Variants in PCDH15 observed in about 807,000 individuals in gnomAD.
The protein encoded by PCDH15 is protocadherin related 15.
PCDH15 carries 129 observed loss-of-function variants against 178.5 expected under a neutral mutation model. The observed-to-expected ratio is 0.72, with a 90% CI of 0.63 to 0.84. The LOEUF (loss-of-function observed/expected upper bound fraction) is 0.84, where lower values mean the gene tolerates loss of function less well. Among genes scored for constraint, PCDH15 ranks in the 40% least tolerant of loss-of-function variants. The pLI is 0.00. For missense variants in PCDH15, 2,230 were observed against 2,099.9 expected (o/e 1.06, Z -1.21); for synonymous variants, 800 against 732.0 (o/e 1.09, Z -1.50).
intron 1 of PCDH15, among the ~76,000 whole-genome samples, chr10:54,695,871 GA>G (rs377722825): frequency 1.1e-4 from 16 of 148,860 alleles, no homozygotes; most frequent in South Asian, 4.3e-4. Flanking sequence ...AGCCCCAATG[GA>G]AAAAAAAAGA....
At chr10:54,839,571 A>C (rs1252929860) in intron 3 of PCDH15, among the ~76,000 whole-genome samples, 1 of 152,144 alleles carries the variant, frequency 6.6e-6, no homozygotes, top group Non-Finnish European at 1.5e-5. Flanking sequence ...AAAAGGAGAG[A>C]GAGAAGGGTA....
intron 11 of PCDH15, among the ~76,000 whole-genome samples, chr10:54,194,650 CTCTATCTATCTA>C (rs58429895): frequency 0.019 from 2,813 of 147,976 alleles, 102 homozygotes; most frequent in African/African-American, 0.063. Flanking sequence ...GTGTATATAT[CTCTATCTATCTA>C]TCTATCTATC....
At chr10:54,225,969 C>A (rs1198718063) in intron 9 of PCDH15, among the ~76,000 whole-genome samples, 1 of 151,952 alleles carries the variant, frequency 6.6e-6, no homozygotes, top group Non-Finnish European at 1.5e-5. Context: ...ATTCAGAGTT[C>A]TTTAGAGAAA....
At chr10:54,660,232 A>G (rs772625874) in intron 2 of PCDH15, among the ~76,000 whole-genome samples, 9 of 152,164 alleles carry the variant, frequency 5.9e-5, no homozygotes, top group Non-Finnish European at 1.2e-4. Flanking sequence ...GCACAATCAG[A>G]AATAATAAAA....
At chr10:54,096,198 G>C (rs113044626) in intron 15 of PCDH15, among the ~76,000 whole-genome samples, 2 of 151,540 alleles carry the variant, frequency 1.3e-5, no homozygotes, top group African/African-American at 4.8e-5. Context: ...AACTTATCTC[G>C]AGTTTCCCTT....
At chr10:55,509,857 A>G (rs1840840886) in intron 2 of PCDH15, among the ~76,000 whole-genome samples, 1 of 151,952 alleles carries the variant, frequency 6.6e-6, no homozygotes, top group Non-Finnish European at 1.5e-5. Flanking sequence ...CACAAATCAT[A>G]GAGCTATTGA....
intron 2 of PCDH15, among the ~76,000 whole-genome samples, chr10:55,149,904 A>C (rs1313277365): frequency 1.3e-5 from 2 of 152,052 alleles, no homozygotes; most frequent in Non-Finnish European, 2.9e-5. Context: ...TTGGATTACA[A>C]TTATTAAACA....
chr10:55,521,648 T>G (rs1014696764), intron 2 of PCDH15, among the ~76,000 whole-genome samples: 1 of 151,986 alleles, frequency 6.6e-6, no homozygotes, highest in Admixed American at 6.6e-5. Flanking sequence ...TGAATAACAC[T>G]GCAGTGAACA....
At chr10:54,220,445 T>C (rs1199164889) in intron 9 of PCDH15, among the ~76,000 whole-genome samples, 1 of 152,242 alleles carries the variant, frequency 6.6e-6, no homozygotes, top group Admixed American at 6.5e-5. Context: ...TTATGCTATA[T>C]AGCCTGAGTT....
intron 24 of PCDH15, among the ~76,000 whole-genome samples, chr10:53,939,614 T>C (rs1282967542): frequency 6.6e-6 from 1 of 151,992 alleles, no homozygotes; most frequent in African/African-American, 2.4e-5. Context: ...TATATTTCTT[T>C]GTTTAATAAT....
intron 23 of PCDH15, among the ~76,000 whole-genome samples, chr10:53,950,677 G>A (rs2086949537): frequency 1.3e-5 from 2 of 152,170 alleles, no homozygotes; most frequent in South Asian, 4.1e-4. Context: ...ATCCTGAAAT[G>A]AAGGTCAAAT....
At chr10:54,747,200 T>C (rs1945584603) in intron 1 of PCDH15, among the ~76,000 whole-genome samples, 1 of 152,214 alleles carries the variant, frequency 6.6e-6, no homozygotes, top group African/African-American at 2.4e-5. Context: ...CTACACACCA[T>C]GCTTATCAGT....
intron 1 of PCDH15, among the ~76,000 whole-genome samples, chr10:55,231,123 T>A (rs1435358434): frequency 6.6e-6 from 1 of 151,988 alleles, no homozygotes. Context: ...TAGCTTTGCA[T>A]CTCTGAGAAA....
intron 18 of PCDH15, among the ~76,000 whole-genome samples, chr10:54,060,532 A>T (rs1210570767): frequency 6.6e-6 from 1 of 152,172 alleles, no homozygotes; most frequent in Non-Finnish European, 1.5e-5. Context: ...AAACCTGTAC[A>T]TATATTATGT....
chr10:55,558,886 G>A (rs1297530578), intron 2 of PCDH15, among the ~76,000 whole-genome samples: 1 of 151,958 alleles, frequency 6.6e-6, no homozygotes, highest in Non-Finnish European at 1.5e-5. Flanking sequence ...TAATTGAAGT[G>A]TAATACATGT....
At chr10:55,033,327 A>G (rs1348328350) in intron 2 of PCDH15, among the ~76,000 whole-genome samples, 2 of 152,132 alleles carry the variant, frequency 1.3e-5, no homozygotes, top group Admixed American at 1.3e-4. Flanking sequence ...ACTCCAACCC[A>G]TGAGAGCTGA....
chr10:54,846,418 G>A lies in PCDH15; in HGVS notation c.-29+51032C>T, dbSNP rs142724829. ...GAATGATGAATAAAATAATTTTTCT[G>A]TCCCAACTTGAAGCTATTCATGTGT... On this transcript the variant is annotated intron_variant, in intron 3 of 5. Transcript: ENST00000458638. 1.9e-3 allele frequency among the ~76,000 whole-genome samples: 282 copies of A among 152,138 alleles called. 1 individual carries two copies. Among genetic ancestry groups the A allele is most frequent in the African/African-American group, 6.5e-3 (271 of 41,492 alleles).
At chr10:55,301,275 T>C (rs1322724417) in intron 1 of PCDH15, among the ~76,000 whole-genome samples, 1 of 152,300 alleles carries the variant, frequency 6.6e-6, no homozygotes, top group African/African-American at 2.4e-5. Context: ...TTTGCTGTTA[T>C]AATTGTTACT....
At chr10:54,444,327 T>G (rs1404380968) in intron 3 of PCDH15, among the ~76,000 whole-genome samples, 1 of 151,698 alleles carries the variant, frequency 6.6e-6, no homozygotes, top group Non-Finnish European at 1.5e-5. Context: ...TAGACTATAG[T>G]GTGCATGGCA....
Sources: gnomAD v4.1 joint callset for allele counts (sites outside exome capture counted in the v4.1 genomes callset) on GRCh38, gnomAD v4.1.1 for gene constraint, MANE v1.5 for transcripts, NCBI Gene and HGNC (gene_info 2026-07-23, HGNC 2026-07-21) for gene names.